CACNB2: variants seen among roughly 807,000 people sequenced by gnomAD.
The protein encoded by CACNB2 is voltage-dependent L-type calcium channel subunit beta-2.
In CACNB2, 42 loss-of-function variants were observed where a neutral mutation model predicts 73.3. The ratio of observed to expected loss-of-function variants is 0.57; its 90% CI spans 0.45 to 0.74. CACNB2 has a LOEUF of 0.74. CACNB2 is among the 30% of genes least tolerant of loss of function. The pLI, the probability that CACNB2 is intolerant of heterozygous loss-of-function variation, is 0.00. For synonymous variants in CACNB2, 348 were observed against 310.3 expected, an observed-to-expected ratio of 1.12 and a Z score of -1.28; for missense variants, 940 against 853.0, an observed-to-expected ratio of 1.10 and a Z score of -1.27.
At chr10:18,537,095 C>T (rs944673642) in intron 12 of CACNB2, among the ~76,000 whole-genome samples, 31 of 152,158 alleles carry the variant, frequency 2.0e-4, no homozygotes, top group African/African-American at 6.5e-4. Flanking sequence ...TCAAGTAATC[C>T]TCCCACCTCG....
intron 2 of CACNB2, among the ~76,000 whole-genome samples, chr10:18,388,924 T>A (rs1589217849): frequency 6.6e-6 from 1 of 152,266 alleles, no homozygotes; most frequent in Non-Finnish European, 1.5e-5. Flanking sequence ...CCCTTCCCCA[T>A]ATGCAAACAA....
chr10:18,178,180 T>G (rs2033701345), intron 2 of CACNB2, among the ~76,000 whole-genome samples: 1 of 152,180 alleles, frequency 6.6e-6, no homozygotes, highest in African/African-American at 2.4e-5. Flanking sequence ...TGATGCGACT[T>G]TATCATTATC....
At chr10:18,515,074 C>A (rs908029713) in intron 7 of CACNB2, 5 of 1,533,452 alleles carry the variant, frequency 3.3e-6, no homozygotes, top group Non-Finnish European at 3.6e-6. Context: ...TATAAATATT[C>A]TCCCGATGTT....
At chr10:18,370,751 A>G (rs1028956130) in intron 2 of CACNB2, among the ~76,000 whole-genome samples, 2 of 152,234 alleles carry the variant, frequency 1.3e-5, no homozygotes, top group African/African-American at 2.4e-5. Context: ...CCAAGCTTAC[A>G]TATCATAATT....
chr10:18,170,520 C>T (rs1002227534), intron 2 of CACNB2, among the ~76,000 whole-genome samples: 3 of 152,134 alleles, frequency 2.0e-5, no homozygotes, highest in South Asian at 2.1e-4. Flanking sequence ...ATACTGGCAT[C>T]AGAACATGCA....
At chr10:18,220,239 A>AGAGGGGGGGG (rs1554772397) in intron 2 of CACNB2, among the ~76,000 whole-genome samples, 1 of 69,438 alleles carries the variant, frequency 1.4e-5, no homozygotes, top group African/African-American at 8.9e-5. Context: ...ATATAGAGAG[A>AGAGGGGGGGG]GAGAGAGAGA....
chr10:18,152,800 C>T (rs567956143), intron 2 of CACNB2, among the ~76,000 whole-genome samples: 2 of 149,560 alleles, frequency 1.3e-5, no homozygotes, highest in African/African-American at 2.5e-5. Flanking sequence ...AATGCCAAGC[C>T]GCTTGTTGAA....
In CACNB2 at chr10:18,140,771, C is replaced by G. The variant is rs574680412; in HGVS notation, c.35C>G (p.Thr12Arg). Residue 12 changes from threonine (T) to arginine (R), a missense_variant, in exon 1 of 14, where the codon ACA (threonine) becomes AGA (arginine). Physicochemically the swap from Thr to Arg is moderately conservative, Grantham distance 71. Coordinates refer to ENST00000324631, the MANE Select transcript of CACNB2 (RefSeq NM_201596.3). Reference protein sequence around the residue: ...VQRDMSKSPPTAAAAVAQEIQ... With the variant: ...VQRDMSKSPPRAAAAVAQEIQ... The stretch of plus-strand genomic sequence containing the variant: ...AGGGACATGTCCAAGTCGCCTCCCA[C>G]AGCGGCGGCGGCGGTGGCGCAGGAG... 2 of 1,597,756 alleles carry G rather than the reference C, an allele frequency of 1.3e-6. No homozygotes were observed. The highest frequency in any genetic ancestry group is 2.3e-5 in the East Asian group (1 of 44,262).
chr10:18,173,891 A>G (rs2033413085), intron 2 of CACNB2, among the ~76,000 whole-genome samples: 1 of 152,238 alleles, frequency 6.6e-6, no homozygotes, highest in African/African-American at 2.4e-5. Flanking sequence ...AGTGCCACAA[A>G]TACTCCTGCA....
At chr10:18,400,810 AGT>A in intron 2 of CACNB2, 1 of 1,439,916 alleles carries the variant, frequency 6.9e-7, no homozygotes, top group Non-Finnish European at 9.1e-7. Context: ...AAAGCACTCG[AGT>A]GTGTGTTTTC....
chr10:18,226,113 G>A (rs143748685), intron 2 of CACNB2, among the ~76,000 whole-genome samples: 6,709 of 150,878 alleles, frequency 0.044, 492 homozygotes, highest in African/African-American at 0.15. Context: ...TGCAACCTCC[G>A]CCTCCTGGGC....
At chr10:18,527,786 G>T in intron 10 of CACNB2, 89 bp downstream of exon 10, 1 of 859,934 alleles carries the variant, frequency 1.2e-6, no homozygotes, top group Non-Finnish European at 1.9e-6. Context: ...AATTCCATGT[G>T]TCACAGAGTA....
chr10:18,408,990 C>A (rs996737547), intron 3 of CACNB2, among the ~76,000 whole-genome samples: 2 of 151,176 alleles, frequency 1.3e-5, no homozygotes, highest in Non-Finnish European at 3.0e-5. Context: ...ATAGCTGGGA[C>A]CACAGGCATG....
intron 2 of CACNB2, among the ~76,000 whole-genome samples, chr10:18,285,821 C>G (rs949532867): frequency 6.6e-6 from 1 of 152,132 alleles, no homozygotes; most frequent in Non-Finnish European, 1.5e-5. Flanking sequence ...TTTCAAATAG[C>G]TTTATGGAAT....
At chr10:18,397,229 G>A (rs1046577644) in intron 2 of CACNB2, among the ~76,000 whole-genome samples, 21 of 152,208 alleles carry the variant, frequency 1.4e-4, no homozygotes, top group African/African-American at 2.7e-4. Context: ...CACTTTGGGA[G>A]GCCGAGGTGG....
chr10:18,176,354 G>A (rs1325658459), intron 2 of CACNB2, among the ~76,000 whole-genome samples: 1 of 152,154 alleles, frequency 6.6e-6, no homozygotes, highest in African/African-American at 2.4e-5. Context: ...TGCACATGAT[G>A]TATTTAAAAG....
chr10:18,223,580 G>T (rs1340905440), intron 2 of CACNB2, among the ~76,000 whole-genome samples: 1 of 152,028 alleles, frequency 6.6e-6, no homozygotes. Context: ...ATGCTCCTAT[G>T]TTCCCTTCTT....
At chr10:18,144,268 C>T (rs997173991) in intron 1 of CACNB2, among the ~76,000 whole-genome samples, 9 of 152,156 alleles carry the variant, frequency 5.9e-5, no homozygotes, top group Non-Finnish European at 8.8e-5. Context: ...TTAGTAGAGA[C>T]GAGGTTTCAC....
At chr10:18,502,826 G>T (rs1011415348) in intron 5 of CACNB2, among the ~76,000 whole-genome samples, 2 of 151,840 alleles carry the variant, frequency 1.3e-5, no homozygotes, top group Non-Finnish European at 1.5e-5. Context: ...GATGGGAGGA[G>T]GGTGAGGATC....
Sources: gnomAD v4.1 joint callset for allele counts (sites outside exome capture counted in the v4.1 genomes callset) on GRCh38, gnomAD v4.1.1 for gene constraint, MANE v1.5 for transcripts, NCBI Gene and HGNC (gene_info 2026-07-23, HGNC 2026-07-21) for gene names.